The following KIF2A variants were observed in gnomAD, a reference collection of about 807,000 sequenced individuals.
KIF2A encodes the protein kinesin family member 2A.
A neutral mutation model predicts 100.2 loss-of-function variants in KIF2A; 22 were observed. That is an observed-to-expected ratio of 0.22 (90% CI 0.16 to 0.31). KIF2A has a LOEUF of 0.31. Among genes scored for constraint, KIF2A ranks in the 10% least tolerant of loss-of-function variants. The pLI, the probability that KIF2A is intolerant of heterozygous loss-of-function variation, is 1.00. For synonymous variants in KIF2A, 268 were observed against 285.9 expected (o/e 0.94, Z 0.63); for missense variants, 495 against 898.7 (o/e 0.55, Z 5.74).
At chr5:62,362,611 A>T in intron 12 of KIF2A, 70 bp downstream of exon 12, 1 of 648,142 alleles carries the variant, frequency 1.5e-6, no homozygotes, top group Admixed American at 4.1e-5. Flanking sequence ...CATTTTAACC[A>T]TTTTTAAGTT....
chr5:62,319,190 A>AAG (rs1561248861), intron 1 of KIF2A, among the ~76,000 whole-genome samples: 3 of 135,326 alleles, frequency 2.2e-5, no homozygotes, highest in Non-Finnish European at 5.0e-5. Context: ...ACAACAACAA[A>AAG]AAACCCAAAA....
chr5:62,317,259 G>T (rs932501269), intron 1 of KIF2A, among the ~76,000 whole-genome samples: 4 of 152,106 alleles, frequency 2.6e-5, no homozygotes, highest in African/African-American at 9.7e-5. Context: ...TGTTGGTCAG[G>T]CTGGTTTCGA....
chr5:62,378,667 C>T (rs954134790), intron 19 of KIF2A, among the ~76,000 whole-genome samples: 9 of 152,168 alleles, frequency 5.9e-5, no homozygotes, highest in African/African-American at 2.2e-4. Context: ...CCTGTAATAC[C>T]AGCACTGTGG....
intron 1 of KIF2A, among the ~76,000 whole-genome samples, chr5:62,318,274 G>A (rs533630414): frequency 1.3e-3 from 194 of 152,232 alleles, no homozygotes; most frequent in African/African-American, 4.5e-3. Flanking sequence ...GTAGAGATGG[G>A]GTTTCACTAT....
At chr5:62,365,560 G>C (rs938865593) in intron 15 of KIF2A, among the ~76,000 whole-genome samples, 3 of 151,726 alleles carry the variant, frequency 2.0e-5, no homozygotes, top group Non-Finnish European at 2.9e-5. Context: ...TGTTATTGAG[G>C]GCTGGTCTTT....
chr5:62,310,740 T>G (rs75592819), intron 1 of KIF2A, among the ~76,000 whole-genome samples: 1,792 of 152,358 alleles, frequency 0.012, 32 homozygotes, highest in African/African-American at 0.041. Flanking sequence ...TAACCTGGTA[T>G]GAAATTGGAC....
At chr5:62,343,572 G>GA in intron 1 of KIF2A, among the ~76,000 whole-genome samples, 1 of 152,314 alleles carries the variant, frequency 6.6e-6, no homozygotes, top group East Asian at 1.9e-4. Flanking sequence ...CTCTGTGTGA[G>GA]ATGGGGGAGT....
intron 1 of KIF2A, chr5:62,307,097 G>C (rs1417146108): frequency 6.7e-6 from 1 of 148,282 alleles, no homozygotes; most frequent in East Asian, 2.0e-4. Flanking sequence ...CCCCGGTTTC[G>C]TCGTCGACCA....
intron 20 of KIF2A, among the ~76,000 whole-genome samples, chr5:62,383,269 GTC>G (rs1741868098): frequency 1.1e-5 from 1 of 95,218 alleles, no homozygotes; most frequent in Admixed American, 1.6e-4. Context: ...TTGAGATGGA[GTC>G]TCACTCTGTC....
intron 8 of KIF2A, 122 bp downstream of exon 8, chr5:62,357,867 C>A (rs1277992319): frequency 4.4e-6 from 3 of 685,632 alleles, no homozygotes; most frequent in Non-Finnish European, 7.4e-6. Flanking sequence ...TTGTATGTAA[C>A]CATTATGCAG....
intron 1 of KIF2A, among the ~76,000 whole-genome samples, chr5:62,312,216 C>G (rs1745585675): frequency 6.6e-6 from 1 of 152,194 alleles, no homozygotes; most frequent in African/African-American, 2.4e-5. Flanking sequence ...CCACTTGATT[C>G]TTATGACAAA....
chr5:62,368,574 C>T (rs1029963891), intron 16 of KIF2A, among the ~76,000 whole-genome samples: 11 of 152,100 alleles, frequency 7.2e-5, no homozygotes, highest in South Asian at 6.2e-4. Flanking sequence ...CCCAGAAATT[C>T]GAGACCAGTC....
Position 62,358,127 on chromosome 5 carries a change from A to G in KIF2A, c.710-10A>G, listed in dbSNP as rs779918646. 5 of 1,532,578 alleles carry G rather than the reference A, an allele frequency of 3.3e-6. No individual in the cohort carries two copies. The highest frequency in any genetic ancestry group is 4.4e-6 in the Non-Finnish European group (5 of 1,142,608). 94.9% of individuals were successfully genotyped at this position (1,532,578 alleles called of 1,614,324 possible). On this transcript the variant is annotated splice_polypyrimidine_tract_variant and intron_variant, in intron 8 of 20. Transcript: ENST00000407818. The stretch of plus-strand genomic sequence containing the variant: ...AATTATTGGGCATTGATTTTCATTT[A>G]TTCTTTTAGAAACTCAAATGAAAGA...
At chr5:62,319,723 A>G (rs1444103710) in intron 1 of KIF2A, among the ~76,000 whole-genome samples, 1 of 152,214 alleles carries the variant, frequency 6.6e-6, no homozygotes, top group Non-Finnish European at 1.5e-5. Flanking sequence ...GACATTCTAA[A>G]AAATTGACTT....
At chr5:62,328,371 T>A (rs1160067769) in intron 1 of KIF2A, among the ~76,000 whole-genome samples, 1 of 151,986 alleles carries the variant, frequency 6.6e-6, no homozygotes, top group Admixed American at 6.6e-5. Flanking sequence ...GTAATCATAT[T>A]ACATCGTGAT....
intron 1 of KIF2A, 45 bp from the exon 2 acceptor site, chr5:62,347,085 C>T (rs776102613): frequency 9.6e-7 from 1 of 1,043,484 alleles, no homozygotes; most frequent in Non-Finnish European, 1.5e-6. Flanking sequence ...TTAGGAATGC[C>T]ATAATTTGTG....
At chr5:62,356,102 A>C (rs1258700165) in intron 7 of KIF2A, among the ~76,000 whole-genome samples, 1 of 152,182 alleles carries the variant, frequency 6.6e-6, no homozygotes, top group Non-Finnish European at 1.5e-5. Context: ...CCCAGCCGGG[A>C]ATGCTTTTAT....
At chr5:62,383,186 C>T (rs1422733842) in intron 20 of KIF2A, among the ~76,000 whole-genome samples, 1 of 148,814 alleles carries the variant, frequency 6.7e-6, no homozygotes, top group African/African-American at 2.5e-5. Context: ...CTCAACCTCT[C>T]AAAGTGCTGA....
In KIF2A at chr5:62,350,056, C is replaced by T; in HGVS notation, c.280-10C>T. 6.4e-7 allele frequency: 1 copy of T among 1,568,352 alleles called. No individual in the cohort carries two copies. ...ATAGAAAACATAATGAACATTTTTT[C>T]CTTTCATAGAATCGACGGACTGTAG... On this transcript the variant is annotated splice_polypyrimidine_tract_variant and intron_variant, in intron 3 of 20. Coordinates refer to ENST00000407818, the MANE Select transcript of KIF2A (RefSeq NM_001098511.3).
Sources: allele counts gnomAD v4.1 joint callset (sites outside exome capture counted in the v4.1 genomes callset), GRCh38; gene constraint gnomAD v4.1.1; transcripts MANE v1.5; gene names NCBI Gene and HGNC (gene_info 2026-07-23, HGNC 2026-07-21).